STARD9: variants seen among roughly 807,000 people sequenced by gnomAD.
STARD9 encodes the protein stAR-related lipid transfer protein 9.
STARD9 carries 346 observed loss-of-function variants against 399.8 expected under a neutral mutation model. The observed-to-expected ratio is 0.87, with a 90% CI of 0.79 to 0.95. The LOEUF (loss-of-function observed/expected upper bound fraction) is 0.95, where lower values mean the gene tolerates loss of function less well. Ranked by LOEUF, STARD9 falls within the 40% of genes least tolerant of loss-of-function variation. The pLI is 0.00. For missense variants in STARD9, 5,832 were observed against 5,667.5 expected (o/e 1.03, Z -0.93); for synonymous variants, 2,203 against 2,143.5 (o/e 1.03, Z -0.77).
At chr15:42,665,139 G>A (rs902676665) in intron 13 of STARD9, 114 bp from the exon 14 acceptor site, 6 of 776,260 alleles carry the variant, frequency 7.7e-6, no homozygotes, top group African/African-American at 5.2e-5. Flanking sequence ...AATGACTGCT[G>A]TAGAGACTAC....
chr15:42,575,647 T>G lies in STARD9; in HGVS notation c.-69T>G. On this transcript the variant is annotated 5_prime_UTR_variant, in exon 1 of 33. Transcript: ENST00000290607. ...GGCGGGGCTGGGTTGGGGCTGTGTCTGGGCTTAGGGCGGGGGCCTGGGATG... is the reference window on the plus strand; with the variant it reads ...GGCGGGGCTGGGTTGGGGCTGTGTCGGGGCTTAGGGCGGGGGCCTGGGATG... 6.6e-7 allele frequency: 1 copy of G among 1,507,682 alleles called. No individual in the cohort carries two copies. Among genetic ancestry groups the G allele is most frequent in the Non-Finnish European group, 8.9e-7 (1 of 1,122,666 alleles). 93.4% of individuals were successfully genotyped at this position (1,507,682 alleles called of 1,614,324 possible). A position where few individuals can be genotyped will look rare whatever the true frequency, so the allele number is the denominator to read the frequency against.
At position 42,692,549 on chromosome 15, in the gene STARD9, C is replaced by T. The variant is rs2060734741; in HGVS notation, c.10971C>T (p.Ser3657=). 1.3e-6 allele frequency: 2 copies of T among 1,537,222 alleles called. No individual in the cohort carries two copies. The highest frequency in any genetic ancestry group is 1.7e-4 in the Middle Eastern group (1 of 5,990). Residue 3657 remains serine, a synonymous_variant, in exon 23 of 33, where the codon TCC becomes TCT. Coordinates refer to ENST00000290607, the MANE Select transcript of STARD9 (RefSeq NM_020759.3). ...SRRHWSSTDI[S]FAQPEASAVS... ...GCCACTGGAGCAGCACTGACATCTC[C>T]TTTGCTCAGCCTGAAGCCAGTGCAG... is the stretch of plus-strand genomic sequence containing the variant.
intron 25 of STARD9, among the ~76,000 whole-genome samples, 160 bp downstream of exon 25, chr15:42,695,483 A>G (rs2060823049): frequency 6.6e-6 from 1 of 152,194 alleles, no homozygotes; most frequent in Non-Finnish European, 1.5e-5. Flanking sequence ...GTCTTTTTAC[A>G]TCATCACACC....
At chr15:42,602,733 T>C (rs1007067058) in intron 3 of STARD9, among the ~76,000 whole-genome samples, 3 of 152,180 alleles carry the variant, frequency 2.0e-5, no homozygotes, top group African/African-American at 7.2e-5. Flanking sequence ...AAGTCATACC[T>C]CTATGGTAAA....
chr15:42,656,710 T>G (rs550011655), intron 9 of STARD9, among the ~76,000 whole-genome samples: 2 of 152,188 alleles, frequency 1.3e-5, no homozygotes, highest in Non-Finnish European at 2.9e-5. Flanking sequence ...TATTCTAAGT[T>G]AAGTGTCTCA....
chr15:42,609,340 G>T (rs368407850), intron 3 of STARD9, among the ~76,000 whole-genome samples: 1 of 152,130 alleles, frequency 6.6e-6, no homozygotes, highest in African/African-American at 2.4e-5. Flanking sequence ...GGCTCAGTCA[G>T]TGTGTCATGA....
rs1485408469 is a variant in STARD9, at chr15:42,662,781, G to T, written c.771-13G>T. 25 of 1,527,938 alleles carry T rather than the reference G, an allele frequency of 1.6e-5. No homozygotes were observed. Among genetic ancestry groups the T allele is most frequent in the South Asian group, 2.4e-5 (2 of 83,550 alleles). The allele number at this position is 1,527,938 out of a possible 1,614,324, so 94.6% of individuals were successfully genotyped here. ...TTTGCTTTTGTTTTTGTTTTTCATT[G>T]ACTGTGTTTTAGCGAAAGAGCAGAT... On this transcript the variant is annotated splice_polypyrimidine_tract_variant and intron_variant, in intron 10 of 32. Coordinates refer to ENST00000290607, the MANE Select transcript of STARD9 (RefSeq NM_020759.3).
intron 3 of STARD9, among the ~76,000 whole-genome samples, chr15:42,622,439 C>T (rs1368346674): frequency 6.6e-6 from 1 of 152,052 alleles, no homozygotes; most frequent in Non-Finnish European, 1.5e-5. Flanking sequence ...ATGATCATAG[C>T]TGATTGCAAC....
At chr15:42,669,390 A>C in intron 16 of STARD9, 53 bp downstream of exon 16, 1 of 1,432,752 alleles carries the variant, frequency 7.0e-7, no homozygotes, top group Non-Finnish European at 9.3e-7. Context: ...CCAGAGGTCA[A>C]GGAGGGAAAA....
At chr15:42,719,157 A>G (rs756149844) in intron 32 of STARD9, among the ~76,000 whole-genome samples, 61 of 152,208 alleles carry the variant, frequency 4.0e-4, no homozygotes, top group African/African-American at 1.4e-3. Context: ...AGTGACCTGC[A>G]TCCTGTGGGT....
chr15:42,626,642 A>G (rs1595665540), intron 3 of STARD9, among the ~76,000 whole-genome samples: 1 of 150,566 alleles, frequency 6.6e-6, no homozygotes, highest in South Asian at 2.1e-4. Context: ...CTGGGATTAC[A>G]GGCATGCGCC....
rs569111297 is a variant in STARD9, at chr15:42,600,721, C to T, written c.234+15084C>T. On this transcript the variant is annotated intron_variant, in intron 3 of 32. Coordinates refer to ENST00000290607, the MANE Select transcript of STARD9 (RefSeq NM_020759.3). ...TGTATTTTTAGTAAAGATGGGGTCT[C>T]TCCATGTTGATCAGGCTGGTCTCGA... Among the ~76,000 whole-genome samples the T allele has an allele frequency of 9.2e-5, 14 of 152,060 alleles. No homozygotes were observed. The South Asian group carries it at 1.5e-3, about 16-fold the overall frequency.
Position 42,652,566 on chromosome 15 carries a change from G to T in STARD9, c.676G>T (p.Ala226Ser). The T allele has an allele frequency of 6.5e-7, 1 of 1,537,014 alleles. No individual in the cohort carries two copies. Residue 226 changes from alanine to serine, a missense_variant, in exon 9 of 33, where the codon GCC becomes TCC. Ala to Ser is a moderately conservative substitution (Grantham distance 99, BLOSUM62 1). This residue lies in a region of STARD9 where 5,828 missense variants were observed against 5,651.1 expected (regional missense o/e 1.03). Transcript: ENST00000290607. ...TCATGAGGCCAGCAGCAGATCCCACGCCATTTTCACGATCCACTACACGCA... is the reference window on the plus strand; with the variant it reads ...TCATGAGGCCAGCAGCAGATCCCACTCCATTTTCACGATCCACTACACGCA... ...HVHEASSRSH[A>S]IFTIHYTQAI...
intron 7 of STARD9, among the ~76,000 whole-genome samples, chr15:42,650,779 A>T (rs2059745739): frequency 6.6e-6 from 1 of 152,240 alleles, no homozygotes; most frequent in African/African-American, 2.4e-5. Flanking sequence ...TATGACTTAT[A>T]GACCATAATC....
chr15:42,603,667 G>A (rs1056837631), intron 3 of STARD9, among the ~76,000 whole-genome samples: 9 of 152,122 alleles, frequency 5.9e-5, no homozygotes, highest in Admixed American at 3.9e-4. Flanking sequence ...TTTGCAGGCA[G>A]GGGGCTAGGG....
At chr15:42,675,253 T>C (rs779825475) in intron 18 of STARD9, among the ~76,000 whole-genome samples, 2 of 152,238 alleles carry the variant, frequency 1.3e-5, no homozygotes, top group Non-Finnish European at 2.9e-5. Context: ...GGGATAATAA[T>C]AGAATCATTG....
intron 3 of STARD9, among the ~76,000 whole-genome samples, chr15:42,615,751 G>A (rs2058950831): frequency 6.6e-6 from 1 of 151,638 alleles, no homozygotes; most frequent in Non-Finnish European, 1.5e-5. Context: ...TCCCACCTCA[G>A]CATGAATGCT....
intron 3 of STARD9, among the ~76,000 whole-genome samples, chr15:42,590,278 T>C (rs2058368716): frequency 6.6e-6 from 1 of 152,152 alleles, no homozygotes; most frequent in African/African-American, 2.4e-5. Flanking sequence ...TCATATTTAT[T>C]TAAATTATCT....
At position 42,691,235 on chromosome 15, in the gene STARD9, T is replaced by C; in HGVS notation, c.9657T>C (p.Ala3219=). Residue 3219 remains alanine (A), a synonymous_variant, in exon 23 of 33, where the codon GCT becomes GCC. Transcript: ENST00000290607. ...AAGAAGAGCAGCACAGAGACCAGGC[T>C]TCAGGTGGTGGAGAAGGCTTCGCCC... ...WQEEEQHRDQ[A]SGGGEGFAQG... is the part of the protein sequence containing the mutation. The C allele has an allele frequency of 6.5e-7, 1 of 1,537,230 alleles. No homozygotes were observed. Among genetic ancestry groups the C allele is most frequent in the Non-Finnish European group, 8.7e-7 (1 of 1,146,896 alleles).
Sources: gnomAD v4.1 joint callset for allele counts (sites outside exome capture counted in the v4.1 genomes callset) on GRCh38, gnomAD v4.1.1 for gene constraint, gnomAD v4.1.1 regional missense constraint, MANE v1.5 for transcripts, NCBI Gene and HGNC (gene_info 2026-07-23, HGNC 2026-07-21) for gene names.